Variants in NSUN2 observed in about 807,000 individuals in gnomAD.
NSUN2 encodes NOP2/Sun RNA methyltransferase 2.
NSUN2 carries 63 observed loss-of-function variants against 92.7 expected under a neutral mutation model. The observed-to-expected ratio is 0.68, with a 90% CI of 0.56 to 0.84. NSUN2 has a LOEUF of 0.84. Ranked by LOEUF, NSUN2 falls within the 40% of genes least tolerant of loss-of-function variation. The probability of loss-of-function intolerance (pLI) is 0.00; values close to 1 mark genes in which losing one functional copy is unlikely to be tolerated. For missense variants in NSUN2, 989 were observed against 964.9 expected (o/e 1.02, Z -0.33); for synonymous variants, 356 against 348.3 (o/e 1.02, Z -0.25).
At position 6,606,779 on chromosome 5, in the gene NSUN2, A is replaced by AT. The variant is rs1736793065; in HGVS notation, c.1601+40_1601+41insA. The AT allele has an allele frequency of 1.5e-5, 17 of 1,126,082 alleles. No individual in the cohort carries two copies. The East Asian group carries it at 4.0e-4, about 26-fold the overall frequency. 69.8% of individuals were successfully genotyped at this position (1,126,082 alleles called of 1,614,324 possible). A position where few individuals can be genotyped will look rare whatever the true frequency, so the allele number is the denominator to read the frequency against. On this transcript the variant is annotated intron_variant, in intron 14 of 18. Transcript: ENST00000264670. ...AGTTGTACATTTGATACTCTATAGT[A>AT]AATTTCTTTAAATGAATAATTAAAA... is the stretch of plus-strand genomic sequence containing the variant.
At chr5:6,605,133 G>A (rs1331861736) in intron 15 of NSUN2, 140 bp downstream of exon 15, 1 of 1,113,168 alleles carries the variant, frequency 9.0e-7, no homozygotes. Flanking sequence ...TGAAATCAAA[G>A]GGCAGGCTCA....
chr5:6,631,094 C>T (rs1737866831), intron 3 of NSUN2, among the ~76,000 whole-genome samples: 1 of 152,008 alleles, frequency 6.6e-6, no homozygotes, highest in Non-Finnish European at 1.5e-5. Flanking sequence ...ACTCCGTCTC[C>T]AAACAAACAA....
At position 6,631,889 on chromosome 5, in the gene NSUN2, G is replaced by A. The variant is rs1737916473; in HGVS notation, c.343C>T (p.Pro115Ser). 2 of 1,613,102 alleles carry A rather than the reference G, an allele frequency of 1.2e-6. No homozygotes were observed. Among genetic ancestry groups the A allele is most frequent in the African/African-American group, 1.3e-5 (1 of 75,020 alleles). ...GGTACCTACCAACTCAGTGGCTGTG[G>A]AACTTCAACTTTCTGACCGTCCACC... ...LEVDGQKVEVPQPLSWYPEEL... is the reference protein window; with the variant it reads ...LEVDGQKVEVSQPLSWYPEEL... Residue 115 changes from proline (P) to serine (S), a missense_variant, in exon 3 of 19, where the codon CCA (proline) becomes TCA (serine). This residue lies in a region of NSUN2 where 356 missense variants were observed against 338.6 expected (regional missense o/e 1.05). Coordinates refer to ENST00000264670, the MANE Select transcript of NSUN2 (RefSeq NM_017755.6).
In NSUN2 at chr5:6,604,264, A is replaced by C. The variant is rs1736670717; in HGVS notation, c.1831T>G (p.Leu611Val). 6.3e-7 allele frequency: 1 copy of C among 1,595,232 alleles called. No individual in the cohort carries two copies. Reference protein sequence around the residue: ...FRLAQEGIYTLYPFINSRIIT... With the variant: ...FRLAQEGIYTVYPFINSRIIT... ...ATTCTTGAGTTAATAAATGGATACA[A>C]TGTATATATTCCCTGTGTGAATAAA... is the stretch of plus-strand genomic sequence containing the variant. Residue 611 changes from leucine to valine, a missense_variant, in exon 17 of 19, where the codon TTG becomes GTG. Physicochemically the swap from Leu to Val is conservative, Grantham distance 32. Around this residue, in one of 3 missense-constraint regions of NSUN2, gnomAD observed 626 missense variants for 602.3 expected, o/e 1.04. Transcript: ENST00000264670.
chr5:6,613,138 G>A (rs1192833536), intron 9 of NSUN2, among the ~76,000 whole-genome samples: 2 of 152,206 alleles, frequency 1.3e-5, no homozygotes, highest in African/African-American at 4.8e-5. Context: ...CACCTGTCCA[G>A]TAAGAAAATG....
chr5:6,614,293 A>G (rs1208227666), intron 9 of NSUN2, among the ~76,000 whole-genome samples: 1 of 152,042 alleles, frequency 6.6e-6, no homozygotes, highest in Non-Finnish European at 1.5e-5. Flanking sequence ...AAAATCCACA[A>G]TCAAGAAAGG....
At chr5:6,605,834 A>G (rs1371777762) in intron 14 of NSUN2, among the ~76,000 whole-genome samples, 1 of 149,976 alleles carries the variant, frequency 6.7e-6, no homozygotes, top group Admixed American at 6.7e-5. Flanking sequence ...AGCTGTGATT[A>G]TAGGTGCACG....
intron 6 of NSUN2, 54 bp from the exon 7 acceptor site, chr5:6,620,352 T>C: frequency 7.4e-7 from 1 of 1,347,012 alleles, no homozygotes; most frequent in Admixed American, 2.6e-5. Flanking sequence ...TGGAATCACA[T>C]CCTGAAATAT....
At chr5:6,604,839 C>A in intron 15 of NSUN2, 154 bp from the exon 16 acceptor site, 1 of 650,860 alleles carries the variant, frequency 1.5e-6, no homozygotes, top group Non-Finnish European at 2.7e-6. Context: ...CGAACTGATA[C>A]TCACAACTTG....
chr5:6,604,786 G>A lies in NSUN2; in HGVS notation c.1738-101C>T. 4.1e-6 allele frequency: 4 copies of A among 975,238 alleles called. No homozygotes were observed. In the Admixed American group the frequency reaches 7.6e-5, roughly 18 times the overall value. 60.4% of individuals were successfully genotyped at this position (975,238 alleles called of 1,614,324 possible). A position where few individuals can be genotyped will look rare whatever the true frequency, so the allele number is the denominator to read the frequency against. Reference sequence around the variant, plus strand: ...GGAGCAACCGTCACGGAATGGGAAAGGAGAGGAGAAGCAGAAACCCACCGA... The same window carrying A: ...GGAGCAACCGTCACGGAATGGGAAAAGAGAGGAGAAGCAGAAACCCACCGA... On this transcript the variant is annotated intron_variant, in intron 15 of 18. Coordinates refer to ENST00000264670, the MANE Select transcript of NSUN2 (RefSeq NM_017755.6).
chr5:6,628,116 G>T (rs1737726508), intron 3 of NSUN2, among the ~76,000 whole-genome samples: 1 of 152,206 alleles, frequency 6.6e-6, no homozygotes, highest in African/African-American at 2.4e-5. Flanking sequence ...GGGAGACCAA[G>T]GTGGGCGGAT....
intron 12 of NSUN2, among the ~76,000 whole-genome samples, chr5:6,608,544 G>A (rs1736872202): frequency 6.6e-6 from 1 of 152,244 alleles, no homozygotes; most frequent in Non-Finnish European, 1.5e-5. Flanking sequence ...AACAGAAAGA[G>A]AGAAGTATTC....
intron 18 of NSUN2, among the ~76,000 whole-genome samples, chr5:6,602,084 G>C (rs1324679821): frequency 6.6e-6 from 1 of 152,214 alleles, no homozygotes; most frequent in Non-Finnish European, 1.5e-5. Context: ...GCAGTAACAT[G>C]TCAGCAACAC....
Position 6,611,439 on chromosome 5 carries a change from G to A in NSUN2, c.1095+286C>T, listed in dbSNP as rs1038878797. ...ATATTGGAAACAAGGCTTGAATCCC[G>A]GCCCAATTTAAAAAAAAAAAAAAAA... On this transcript the variant is annotated intron_variant, in intron 10 of 18. Coordinates refer to ENST00000264670, the MANE Select transcript of NSUN2 (RefSeq NM_017755.6). Among the ~76,000 whole-genome samples the A allele has an allele frequency of 2.0e-4, 9 of 43,924 alleles. No individual in the cohort carries two copies. The East Asian group carries it at 2.6e-3, about 13-fold the overall frequency. 28.8% of individuals were successfully genotyped at this position (43,924 alleles called of 152,430 possible).
intron 15 of NSUN2, 119 bp downstream of exon 15, chr5:6,605,154 G>C (rs1455445189): frequency 7.3e-7 from 1 of 1,367,780 alleles, no homozygotes; most frequent in Non-Finnish European, 1.0e-6. Context: ...GGGACCCACA[G>C]CCAGCGCTAC....
chr5:6,628,060 G>GT (rs1198899053), intron 3 of NSUN2, among the ~76,000 whole-genome samples: 12 of 152,272 alleles, frequency 7.9e-5, no homozygotes, highest in Non-Finnish European at 2.9e-5. Flanking sequence ...TAAAAAGCAC[G>GT]TAACAGGCGA....
At chr5:6,602,119 C>A (rs1275027477) in intron 18 of NSUN2, among the ~76,000 whole-genome samples, 3 of 152,198 alleles carry the variant, frequency 2.0e-5, no homozygotes, top group Non-Finnish European at 2.9e-5. Context: ...GCCATGAGGA[C>A]AAAAGAACGG....
At chr5:6,623,802 A>G (rs2126502190) in intron 4 of NSUN2, among the ~76,000 whole-genome samples, 1 of 152,230 alleles carries the variant, frequency 6.6e-6, no homozygotes, top group East Asian at 1.9e-4. Flanking sequence ...CACTGCTTCC[A>G]TCTTTCCATC....
At chr5:6,620,978 T>A (rs1419827055) in intron 6 of NSUN2, 1 of 152,192 alleles carries the variant, frequency 6.6e-6, no homozygotes, top group Non-Finnish European at 1.5e-5. Context: ...CAGGGAAAAG[T>A]GAAGCAGGCT....
Sources: gnomAD v4.1 joint callset for allele counts (sites outside exome capture counted in the v4.1 genomes callset) on GRCh38, gnomAD v4.1.1 for gene constraint, gnomAD v4.1.1 regional missense constraint, MANE v1.5 for transcripts, NCBI Gene and HGNC (gene_info 2026-07-23, HGNC 2026-07-21) for gene names.